The following FRAS1 variants were observed in gnomAD, a reference collection of about 807,000 sequenced individuals.
The protein encoded by FRAS1 is Fraser extracellular matrix complex subunit 1.
A neutral mutation model predicts 435.2 loss-of-function variants in FRAS1; 290 were observed. That is an observed-to-expected ratio of 0.67 (90% CI 0.61 to 0.73). The LOEUF (loss-of-function observed/expected upper bound fraction) is 0.73, where lower values mean the gene tolerates loss of function less well. Ranked by LOEUF, FRAS1 falls within the 30% of genes least tolerant of loss-of-function variation. The pLI, the probability that FRAS1 is intolerant of heterozygous loss-of-function variation, is 0.00. For synonymous variants in FRAS1, 1,800 were observed against 1,851.0 expected, an observed-to-expected ratio of 0.97 and a Z score of 0.71; for missense variants, 4,860 against 5,001.5, an observed-to-expected ratio of 0.97 and a Z score of 0.85.
intron 13 of FRAS1, 21 bp downstream of exon 13, chr4:78,284,569 C>G (rs774516251): frequency 8.2e-6 from 13 of 1,593,404 alleles, no homozygotes; most frequent in Non-Finnish European, 1.1e-5. Context: ...AAGTGGACAA[C>G]CCAGAGGTGG....
intron 2 of FRAS1, among the ~76,000 whole-genome samples, chr4:78,130,179 T>G (rs969271634): frequency 6.6e-6 from 1 of 152,178 alleles, no homozygotes. Flanking sequence ...GCTGGTTTTT[T>G]TGTTTCTGTT....
At chr4:78,126,712 T>A (rs891399241) in intron 2 of FRAS1, among the ~76,000 whole-genome samples, 1 of 152,192 alleles carries the variant, frequency 6.6e-6, no homozygotes, top group Non-Finnish European at 1.5e-5. Context: ...ATTGTACAAT[T>A]TAAGTATTTA....
chr4:78,297,066 G>A lies in FRAS1; in HGVS notation c.1534+10527G>A, dbSNP rs138882788. The stretch of plus-strand genomic sequence containing the variant: ...GTCTCCTGATAATACTTCAAAACTT[G>A]GCGAGTACTACCTAGTCATTTGTGA... On this transcript the variant is annotated intron_variant, in intron 14 of 73. Transcript: ENST00000512123. Among the ~76,000 whole-genome samples, 11 of 152,264 alleles carry A rather than the reference G, an allele frequency of 7.2e-5. No individual in the cohort carries two copies. The East Asian group carries it at 1.9e-3, about 27-fold the overall frequency.
chr4:78,383,713 C>T (rs547224268), intron 27 of FRAS1, among the ~76,000 whole-genome samples: 1 of 152,172 alleles, frequency 6.6e-6, no homozygotes, highest in South Asian at 2.1e-4. Context: ...AGATTCCTTT[C>T]AATTCTTCAA....
intron 70 of FRAS1, among the ~76,000 whole-genome samples, chr4:78,526,898 A>G (rs1026286565): frequency 6.6e-6 from 1 of 152,128 alleles, no homozygotes; most frequent in African/African-American, 2.4e-5. Context: ...CATCCTATGC[A>G]CAGTCTATTC....
At chr4:78,269,016 T>A (rs190495388) in intron 9 of FRAS1, among the ~76,000 whole-genome samples, 1 of 152,360 alleles carries the variant, frequency 6.6e-6, no homozygotes, top group East Asian at 1.9e-4. Context: ...TTTCCCAAGT[T>A]TTGTTTAAAG....
At chr4:78,168,276 C>T (rs1338725910) in intron 2 of FRAS1, among the ~76,000 whole-genome samples, 4 of 152,066 alleles carry the variant, frequency 2.6e-5, no homozygotes, top group Non-Finnish European at 5.9e-5. Context: ...TTGTCCCCTG[C>T]GTTTGCCCTG....
chr4:78,475,501 C>T lies in FRAS1; in HGVS notation c.7746C>T (p.Asn2582=). The T allele has an allele frequency of 6.2e-7, 1 of 1,613,872 alleles. No homozygotes were observed. The highest frequency in any genetic ancestry group is 8.5e-7 in the Non-Finnish European group (1 of 1,179,822). Residue 2582 remains asparagine (N), a synonymous_variant, in exon 54 of 74, where the codon AAC becomes AAT. Coordinates refer to ENST00000512123, the MANE Select transcript of FRAS1 (RefSeq NM_025074.7). ...CGGTGCAGAGGACTGGGAACCTGAA[C>T]CAATATGCCATCGTCCTGTGTCGCA... ...SVTVQRTGNL[N]QYAIVLCRTE...
At position 78,057,782 on chromosome 4, in the gene FRAS1, G is replaced by C. The variant is rs767230975; in HGVS notation, c.-228G>C. On this transcript the variant is annotated 5_prime_UTR_variant, in exon 1 of 74. Coordinates refer to ENST00000512123, the MANE Select transcript of FRAS1 (RefSeq NM_025074.7). This position sits in a 1 kb window ranked among gnomAD's most constrained non-coding sequence, Gnocchi z 4.2. ...GCGTCCTGCCTTGCGGGGGAACTCGGCGCGCTCTCTGCCTGAGCAGCGAGT... is the reference window on the plus strand; with the variant it reads ...GCGTCCTGCCTTGCGGGGGAACTCGCCGCGCTCTCTGCCTGAGCAGCGAGT... 1 of 546,152 alleles carries C rather than the reference G, an allele frequency of 1.8e-6. No homozygotes were observed. Among genetic ancestry groups the C allele is most frequent in the Non-Finnish European group, 3.3e-6 (1 of 307,332 alleles). 33.8% of individuals were successfully genotyped at this position (546,152 alleles called of 1,614,324 possible).
intron 29 of FRAS1, among the ~76,000 whole-genome samples, chr4:78,397,193 G>A (rs1181834039): frequency 6.6e-6 from 1 of 152,160 alleles, no homozygotes; most frequent in Non-Finnish European, 1.5e-5. Context: ...GGCTTCAGGA[G>A]AGAAAGACCT....
intron 20 of FRAS1, among the ~76,000 whole-genome samples, chr4:78,340,548 C>T (rs1730354775): frequency 6.6e-6 from 1 of 152,162 alleles, no homozygotes; most frequent in Admixed American, 6.5e-5. Flanking sequence ...AGGCATTGTA[C>T]TGGGCTCTGG....
rs938606525 is a variant in FRAS1 at position 78,315,803 on chromosome 4, T to C, written c.1819+69T>C. ...ACATGTTTGACTATACTTGGTGTTA[T>C]ATGTTGCTAATTTGGGAACTCGAGT... On this transcript the variant is annotated intron_variant, in intron 16 of 73. Coordinates refer to ENST00000512123, the MANE Select transcript of FRAS1 (RefSeq NM_025074.7). 1.9e-4 allele frequency: 298 copies of C among 1,558,970 alleles called. 1 individual carries two copies. The highest frequency in any genetic ancestry group is 7.0e-5 in the Admixed American group (4 of 57,384).
At chr4:78,449,904 T>C (rs1208570270) in intron 44 of FRAS1, among the ~76,000 whole-genome samples, 1 of 152,002 alleles carries the variant, frequency 6.6e-6, no homozygotes, top group East Asian at 1.9e-4. Context: ...TAGGAGAGAA[T>C]GAAAATGGAT....
At chr4:78,068,637 T>A in intron 2 of FRAS1, 1 of 455,836 alleles carries the variant, frequency 2.2e-6, no homozygotes, top group Admixed American at 2.4e-5. Context: ...GAAATGAGAG[T>A]GTGCTTGTTT....
At chr4:78,278,853 G>A in intron 10 of FRAS1, 109 bp downstream of exon 10, 2 of 704,234 alleles carry the variant, frequency 2.8e-6, no homozygotes, top group Non-Finnish European at 5.0e-6. Flanking sequence ...TTCAACAAAT[G>A]TTATTGTGCA....
At chr4:78,528,300 A>G (rs896966655) in intron 70 of FRAS1, among the ~76,000 whole-genome samples, 2 of 152,172 alleles carry the variant, frequency 1.3e-5, no homozygotes, top group Non-Finnish European at 2.9e-5. Context: ...GTACAATTCG[A>G]TAAATTTTTA....
At chr4:78,287,715 G>A (rs1231240378) in intron 14 of FRAS1, among the ~76,000 whole-genome samples, 4 of 152,306 alleles carry the variant, frequency 2.6e-5, no homozygotes, top group African/African-American at 9.6e-5. Context: ...CAGGCTAAAT[G>A]AGCACTCGGG....
chr4:78,413,093 G>C lies in FRAS1; in HGVS notation c.4425+8G>C, dbSNP rs747501644. The C allele has an allele frequency of 6.5e-7, 1 of 1,549,150 alleles. No homozygotes were observed. The highest frequency in any genetic ancestry group is 8.8e-7 in the Non-Finnish European group (1 of 1,130,862). On this transcript the variant is annotated splice_region_variant and intron_variant, in intron 32 of 73. Coordinates refer to ENST00000512123, the MANE Select transcript of FRAS1 (RefSeq NM_025074.7). ...GCATCTCTCCATATGACTGTGAGTT[G>C]GGTGGGAGGCTTGTGGTTTCCACTT...
At chr4:78,245,361 T>G (rs1725187017) in intron 4 of FRAS1, 36 bp downstream of exon 4, 3 of 1,356,766 alleles carry the variant, frequency 2.2e-6, no homozygotes, top group Non-Finnish European at 3.1e-6. Context: ...ATTCTGTGTC[T>G]GCAGATCTCT....
Sources: allele counts gnomAD v4.1 joint callset (sites outside exome capture counted in the v4.1 genomes callset), GRCh38; gene constraint gnomAD v4.1.1; non-coding constraint Gnocchi (gnomAD v3.1); transcripts MANE v1.5; gene names NCBI Gene and HGNC (gene_info 2026-07-23, HGNC 2026-07-21).